The following SPPL2A variants were observed in gnomAD, a reference collection of about 807,000 sequenced individuals.
SPPL2A encodes the protein signal peptide peptidase-like 2A.
SPPL2A carries 51 observed loss-of-function variants against 63.8 expected under a neutral mutation model. That is an observed-to-expected ratio of 0.80 (90% CI 0.64 to 1.01). SPPL2A has a LOEUF of 1.01. SPPL2A is among the 50% of genes least tolerant of loss of function. The pLI is 0.00. For synonymous variants in SPPL2A, 188 were observed against 205.8 expected (o/e 0.91, Z 0.74); for missense variants, 553 against 622.7 (o/e 0.89, Z 1.19).
At chr15:50,762,473 G>A (rs2141066480) in intron 1 of SPPL2A, among the ~76,000 whole-genome samples, 1 of 152,258 alleles carries the variant, frequency 6.6e-6, no homozygotes, top group South Asian at 2.1e-4. Context: ...GACCTAATGG[G>A]TTTAAAAAAT....
intron 1 of SPPL2A, among the ~76,000 whole-genome samples, chr15:50,754,588 GA>G (rs1177495999): frequency 3.9e-5 from 6 of 152,100 alleles, no homozygotes; most frequent in Non-Finnish European, 8.8e-5. Flanking sequence ...CACAAAACAA[GA>G]AAGTATAGTC....
chr15:50,751,620 T>A (rs2062907080), intron 1 of SPPL2A, among the ~76,000 whole-genome samples: 1 of 152,166 alleles, frequency 6.6e-6, no homozygotes, highest in African/African-American at 2.4e-5. Flanking sequence ...TGTAAAGACA[T>A]GTTTTTCCCT....
intron 3 of SPPL2A, 141 bp downstream of exon 3, chr15:50,748,547 T>C: frequency 3.2e-6 from 2 of 619,752 alleles, no homozygotes. Context: ...CTATTAGATC[T>C]TGATTATTTA....
chr15:50,746,876 C>T (rs988516771), intron 5 of SPPL2A: 3 of 152,422 alleles, frequency 2.0e-5, no homozygotes, highest in African/African-American at 4.8e-5. Flanking sequence ...CCATGTTGGC[C>T]AGGCTTGTCT....
rs2062635851 is a variant in SPPL2A, at chr15:50,720,432, A to C, written c.1328-332T>G. ...GATAACTAAATCTGTACCAATAGGTAATATAAGTTGTTTAAAAAAAATCTT... is the reference window on the plus strand; with the variant it reads ...GATAACTAAATCTGTACCAATAGGTCATATAAGTTGTTTAAAAAAAATCTT... On this transcript the variant is annotated intron_variant, in intron 13 of 14. Coordinates refer to ENST00000261854, the MANE Select transcript of SPPL2A (RefSeq NM_032802.4). Among the ~76,000 whole-genome samples, 4 of 152,254 alleles carry C rather than the reference A, an allele frequency of 2.6e-5. No individual in the cohort carries two copies. In the South Asian group the frequency reaches 6.2e-4, roughly 24 times the overall value.
At chr15:50,739,645 G>A (rs1272606466) in intron 6 of SPPL2A, 35 bp downstream of exon 6, 1 of 1,445,576 alleles carries the variant, frequency 6.9e-7, no homozygotes, top group Non-Finnish European at 9.3e-7. Context: ...AAGAATGTAT[G>A]TTAACAGTAG....
chr15:50,757,207 C>G (rs1033416597), intron 1 of SPPL2A, among the ~76,000 whole-genome samples: 4 of 151,856 alleles, frequency 2.6e-5, no homozygotes, highest in African/African-American at 9.7e-5. Context: ...CTCAGCCTCC[C>G]GAGTAGCTGG....
chr15:50,748,633 T>C, intron 3 of SPPL2A, 55 bp downstream of exon 3: 1 of 1,224,512 alleles, frequency 8.2e-7, no homozygotes, highest in Non-Finnish European at 1.1e-6. Flanking sequence ...ATTCCATTTT[T>C]GTGAAATTTC....
Position 50,744,157 on chromosome 15 carries a change from T to C in SPPL2A, c.584+3338A>G, listed in dbSNP as rs567013992. 2.6e-3 allele frequency among the ~76,000 whole-genome samples: 381 copies of C among 147,898 alleles called. 2 individuals carry two copies. The highest frequency in any genetic ancestry group is 9.2e-3 in the African/African-American group (367 of 39,770). ...TTGCACCACTGCACTGCAGCCTGGGTGACAGAGTGAGACTCCATCTCAAAA... is the reference window on the plus strand; with the variant it reads ...TTGCACCACTGCACTGCAGCCTGGGCGACAGAGTGAGACTCCATCTCAAAA... On this transcript the variant is annotated intron_variant, in intron 5 of 14. Coordinates refer to ENST00000261854, the MANE Select transcript of SPPL2A (RefSeq NM_032802.4).
At position 50,748,884 on chromosome 15, in the gene SPPL2A, ATG is replaced by A. The variant is rs2062882117; in HGVS notation, c.178-16_178-15del. On this transcript the variant is annotated splice_polypyrimidine_tract_variant and intron_variant, in intron 2 of 14. Coordinates refer to ENST00000261854, the MANE Select transcript of SPPL2A (RefSeq NM_032802.4). The stretch of plus-strand genomic sequence containing the variant: ...ACTAATGGAAGTCTGAAAATAAGAA[ATG>A]TCTTTTTAACATGTTAAAAATCTAT... 1.3e-6 allele frequency: 2 copies of A among 1,534,654 alleles called. No individual in the cohort carries two copies. Among genetic ancestry groups the A allele is most frequent in the South Asian group, 2.4e-5 (2 of 82,438 alleles).
At chr15:50,730,125 G>C (rs1392037109) in intron 10 of SPPL2A, among the ~76,000 whole-genome samples, 1 of 152,162 alleles carries the variant, frequency 6.6e-6, no homozygotes, top group Non-Finnish European at 1.5e-5. Flanking sequence ...GGGGAATTAA[G>C]CAATAATTAA....
intron 14 of SPPL2A, among the ~76,000 whole-genome samples, chr15:50,711,667 C>A (rs1379498823): frequency 6.6e-6 from 1 of 152,114 alleles, no homozygotes; most frequent in Non-Finnish European, 1.5e-5. Context: ...CTAAAAACAG[C>A]ATGGAAAGAC....
At chr15:50,719,496 C>T (rs545704365) in intron 14 of SPPL2A, among the ~76,000 whole-genome samples, 7 of 152,324 alleles carry the variant, frequency 4.6e-5, no homozygotes, top group East Asian at 1.9e-4. Flanking sequence ...CCATCTGCCT[C>T]GGCCTCCCAA....
At chr15:50,764,891 ACTG>A (rs1161825880) in intron 1 of SPPL2A, among the ~76,000 whole-genome samples, 1 of 148,300 alleles carries the variant, frequency 6.7e-6, no homozygotes, top group African/African-American at 2.5e-5. Context: ...ATTTTAAATT[ACTG>A]CTATTAAAAC....
chr15:50,751,279 C>T (rs1457404232), intron 1 of SPPL2A, among the ~76,000 whole-genome samples: 2 of 152,164 alleles, frequency 1.3e-5, no homozygotes, highest in African/African-American at 4.8e-5. Flanking sequence ...ATATAACAAA[C>T]TACATGCTAG....
intron 14 of SPPL2A, among the ~76,000 whole-genome samples, chr15:50,709,586 T>C (rs2062540958): frequency 6.6e-6 from 1 of 152,018 alleles, no homozygotes; most frequent in Non-Finnish European, 1.5e-5. Flanking sequence ...GGTCAGGAGT[T>C]CGGGACCAGC....
rs12911654 is a variant in SPPL2A at position 50,707,102 on chromosome 15, C to G, written c.*698G>C. 6.6e-6 allele frequency: 1 copy of G among 152,130 alleles called. No individual in the cohort carries two copies. Among genetic ancestry groups the G allele is most frequent in the Non-Finnish European group, 1.5e-5 (1 of 68,030 alleles). The allele number at this position is 152,130 out of a possible 1,614,324, so 9.4% of individuals were successfully genotyped here. A position where few individuals can be genotyped will look rare whatever the true frequency, so the allele number is the denominator to read the frequency against. ...GCATGGTGTTAAACAGTTATTTCTA[C>G]AGAGCAGATATAATTTGCATAAATC... On this transcript the variant is annotated 3_prime_UTR_variant, in exon 15 of 15. Transcript: ENST00000261854.
chr15:50,717,934 C>CTTTATG (rs2062609875), intron 14 of SPPL2A, among the ~76,000 whole-genome samples: 1 of 143,764 alleles, frequency 7.0e-6, no homozygotes, highest in Non-Finnish European at 1.5e-5. Context: ...TTGTTAGTGA[C>CTTTATG]TTTATGTCTA....
In SPPL2A at chr15:50,702,288, T is replaced by C. The variant is rs1205374399; in HGVS notation, c.*5512A>G. The C allele has an allele frequency of 1.3e-5, 2 of 152,220 alleles. No individual in the cohort carries two copies. The highest frequency in any genetic ancestry group is 2.9e-5 in the Non-Finnish European group (2 of 68,046). 9.4% of individuals were successfully genotyped at this position (152,220 alleles called of 1,614,324 possible). Reference sequence around the variant, plus strand: ...AAATTTTATTTTAAAATAGAATTTATTGAATACCATAGTATATTAAATACA... The same window carrying C: ...AAATTTTATTTTAAAATAGAATTTACTGAATACCATAGTATATTAAATACA... On this transcript the variant is annotated 3_prime_UTR_variant, in exon 15 of 15. Coordinates refer to ENST00000261854, the MANE Select transcript of SPPL2A (RefSeq NM_032802.4).
Sources: allele counts gnomAD v4.1 joint callset (sites outside exome capture counted in the v4.1 genomes callset), GRCh38; gene constraint gnomAD v4.1.1; transcripts MANE v1.5; gene names NCBI Gene and HGNC (gene_info 2026-07-23, HGNC 2026-07-21).